The following KCNK13 variants were observed in gnomAD, a reference collection of about 807,000 sequenced individuals.
The protein encoded by KCNK13 is potassium channel subfamily K member 13.
A neutral mutation model predicts 23.4 loss-of-function variants in KCNK13; 12 were observed. That is an observed-to-expected ratio of 0.51 (90% CI 0.33 to 0.83). The LOEUF (loss-of-function observed/expected upper bound fraction) is 0.83. Among genes scored for constraint, KCNK13 ranks in the 40% least tolerant of loss-of-function variants. The pLI, the probability that KCNK13 is intolerant of heterozygous loss-of-function variation, is 0.02. For synonymous variants in KCNK13, 231 were observed against 229.5 expected (o/e 1.01, Z -0.06); for missense variants, 463 against 556.3 (o/e 0.83, Z 1.69).
intron 1 of KCNK13, among the ~76,000 whole-genome samples, chr14:90,087,641 T>G (rs368089599): frequency 8.3e-4 from 127 of 152,308 alleles, no homozygotes; most frequent in African/African-American, 2.9e-3. Flanking sequence ...CAGCATAATC[T>G]CAGCTCTTTG....
chr14:90,125,664 C>A (rs1596788703), intron 1 of KCNK13, among the ~76,000 whole-genome samples: 2 of 151,936 alleles, frequency 1.3e-5, no homozygotes, highest in Middle Eastern at 3.4e-3. Flanking sequence ...GTCAAAGAGA[C>A]ACAGGACTCA....
At chr14:90,135,655 G>A (rs1889927636) in intron 1 of KCNK13, among the ~76,000 whole-genome samples, 1 of 152,202 alleles carries the variant, frequency 6.6e-6, no homozygotes, top group Non-Finnish European at 1.5e-5. Context: ...GGCATGAGAA[G>A]TGTCTGGCCT....
At chr14:90,101,790 C>CAAAAAAAGAAAAAAAAAAAA (rs1889481214) in intron 1 of KCNK13, among the ~76,000 whole-genome samples, 1 of 55,594 alleles carries the variant, frequency 1.8e-5, no homozygotes, top group Non-Finnish European at 3.5e-5. Flanking sequence ...ACTCCGTCTC[C>CAAAAAAAGAAAAAAAAAAAA]AAAAAAAAAA....
At chr14:90,116,181 A>G (rs569734597) in intron 1 of KCNK13, among the ~76,000 whole-genome samples, 3 of 152,316 alleles carry the variant, frequency 2.0e-5, no homozygotes, top group South Asian at 2.1e-4. Context: ...TCGTAGCCAC[A>G]TAACCACACA....
At chr14:90,142,419 T>C (rs550582952) in intron 1 of KCNK13, among the ~76,000 whole-genome samples, 3 of 143,064 alleles carry the variant, frequency 2.1e-5, no homozygotes, top group Non-Finnish European at 4.5e-5. Flanking sequence ...CCCAGGTTCA[T>C]GCCATTCTCG....
chr14:90,098,577 C>G (rs528351737), intron 1 of KCNK13, among the ~76,000 whole-genome samples: 23 of 150,960 alleles, frequency 1.5e-4, no homozygotes, highest in Non-Finnish European at 8.8e-5. Flanking sequence ...AGTTATAACC[C>G]GGGAGGTGGA....
intron 1 of KCNK13, among the ~76,000 whole-genome samples, chr14:90,091,385 A>G (rs899583321): frequency 6.6e-6 from 1 of 152,206 alleles, no homozygotes; most frequent in Non-Finnish European, 1.5e-5. Flanking sequence ...AGGTTTTCCT[A>G]TGGGAAATTA....
intron 1 of KCNK13, among the ~76,000 whole-genome samples, chr14:90,136,165 G>T (rs1374471252): frequency 6.6e-6 from 1 of 152,086 alleles, no homozygotes; most frequent in Non-Finnish European, 1.5e-5. Context: ...CAAGCAGAAG[G>T]CTGAACGTCA....
chr14:90,133,858 A>G (rs1347848903), intron 1 of KCNK13, among the ~76,000 whole-genome samples: 2 of 152,130 alleles, frequency 1.3e-5, no homozygotes, highest in Non-Finnish European at 2.9e-5. Flanking sequence ...GCTCCTCTAG[A>G]GAGCTTTTCA....
chr14:90,166,021 C>T (rs1303944604), intron 1 of KCNK13, among the ~76,000 whole-genome samples: 1 of 152,192 alleles, frequency 6.6e-6, no homozygotes, highest in African/African-American at 2.4e-5. Flanking sequence ...TAAAGAGTCT[C>T]TATTTATCAT....
At chr14:90,077,179 G>A (rs1373758778) in intron 1 of KCNK13, among the ~76,000 whole-genome samples, 1 of 140,222 alleles carries the variant, frequency 7.1e-6, no homozygotes, top group Non-Finnish European at 1.5e-5. Context: ...GAGTTCAATG[G>A]TGCGATCTCA....
At chr14:90,183,147 T>C (rs1007401816) in intron 1 of KCNK13, among the ~76,000 whole-genome samples, 1 of 152,188 alleles carries the variant, frequency 6.6e-6, no homozygotes, top group South Asian at 2.1e-4. Context: ...TATGCCTGTG[T>C]GCACAGGTAG....
chr14:90,180,902 G>T (rs532892638), intron 1 of KCNK13, among the ~76,000 whole-genome samples: 2 of 152,186 alleles, frequency 1.3e-5, no homozygotes, highest in African/African-American at 4.8e-5. Flanking sequence ...CTGTCACCAG[G>T]CTGGAGTGCG....
chr14:90,101,790 CAAAAAAA>C (rs546423368), intron 1 of KCNK13, among the ~76,000 whole-genome samples: 15,331 of 56,112 alleles, frequency 0.27, 1,856 homozygotes, highest in South Asian at 0.53. Flanking sequence ...ACTCCGTCTC[CAAAAAAA>C]AAAAAAAAAA....
At chr14:90,175,451 G>C (rs1439968908) in intron 1 of KCNK13, among the ~76,000 whole-genome samples, 1 of 152,176 alleles carries the variant, frequency 6.6e-6, no homozygotes, top group Non-Finnish European at 1.5e-5. Context: ...ATTGGAGGCT[G>C]TTCCTTAAAA....
intron 1 of KCNK13, among the ~76,000 whole-genome samples, chr14:90,154,048 A>T (rs2140434899): frequency 6.6e-6 from 1 of 152,186 alleles, no homozygotes; most frequent in African/African-American, 2.4e-5. Flanking sequence ...CTATGCTCTG[A>T]CTTCAGTCAG....
intron 1 of KCNK13, among the ~76,000 whole-genome samples, chr14:90,160,331 A>G (rs907544436): frequency 4.6e-5 from 7 of 152,288 alleles, no homozygotes; most frequent in Middle Eastern, 3.4e-3. Context: ...AGAAGACTCA[A>G]AAGCACAAAG....
chr14:90,116,376 G>T (rs1177678207), intron 1 of KCNK13, among the ~76,000 whole-genome samples: 4 of 152,222 alleles, frequency 2.6e-5, no homozygotes. Context: ...AAGCATGGCT[G>T]TGGTTGAGAT....
intron 1 of KCNK13, among the ~76,000 whole-genome samples, chr14:90,183,598 G>A (rs561458960): frequency 6.6e-6 from 1 of 152,252 alleles, no homozygotes; most frequent in East Asian, 1.9e-4. Context: ...TACTGGACTA[G>A]GGCTCCATGA....
Sources: gnomAD v4.1 joint callset for allele counts (sites outside exome capture counted in the v4.1 genomes callset) on GRCh38, gnomAD v4.1.1 for gene constraint, MANE v1.5 for transcripts, NCBI Gene and HGNC (gene_info 2026-07-23, HGNC 2026-07-21) for gene names.